The following PSD2 variants were observed in gnomAD, a reference collection of about 807,000 sequenced individuals.
The protein encoded by PSD2 is PH and SEC7 domain-containing protein 2.
PSD2 carries 38 observed loss-of-function variants against 69.8 expected under a neutral mutation model. The ratio of observed to expected loss-of-function variants is 0.54; its 90% CI spans 0.42 to 0.71. PSD2 has a LOEUF of 0.71. Among genes scored for constraint, PSD2 ranks in the 30% least tolerant of loss-of-function variants. PSD2 has a pLI of 0.00. For synonymous variants in PSD2, 412 were observed against 423.0 expected (o/e 0.97, Z 0.32); for missense variants, 943 against 1,014.5 (o/e 0.93, Z 0.96).
intron 3 of PSD2, 63 bp downstream of exon 3, chr5:139,813,821 G>T: frequency 1.4e-6 from 2 of 1,425,906 alleles, no homozygotes; most frequent in Middle Eastern, 2.3e-4. Flanking sequence ...CCCAGAGGGG[G>T]CAAAGCAGGT....
intron 6 of PSD2, 35 bp downstream of exon 6, chr5:139,822,040 C>T (rs371615230): frequency 4.3e-6 from 6 of 1,403,790 alleles, no homozygotes; most frequent in Admixed American, 3.5e-5. Context: ...TGACCCTCCC[C>T]ACCCACTCAG....
At chr5:139,803,316 C>T (rs57873997) in intron 1 of PSD2, among the ~76,000 whole-genome samples, 35,602 of 152,208 alleles carry the variant, frequency 0.23, 4,311 homozygotes, top group South Asian at 0.32. Flanking sequence ...CTGCCAAGGA[C>T]GCATATCCAA....
chr5:139,770,457 T>C, the PSD2 span, among the ~76,000 whole-genome samples: 5 of 152,078 alleles, frequency 3.3e-5, no homozygotes, highest in African/African-American at 9.7e-5. Flanking sequence ...CTCAGGAGGC[T>C]GAGGCAGGAG....
chr5:139,824,394 G>GTTTTTTT (rs3055525), intron 7 of PSD2, among the ~76,000 whole-genome samples: 2 of 119,410 alleles, frequency 1.7e-5, no homozygotes, highest in Non-Finnish European at 3.4e-5. Context: ...TCTCTCTCTT[G>GTTTTTTT]TTTTTTTTTT....
At chr5:139,752,107 A>G in the PSD2 span, among the ~76,000 whole-genome samples, 1 of 151,742 alleles carries the variant, frequency 6.6e-6, no homozygotes, top group Non-Finnish European at 1.5e-5. Flanking sequence ...CAGCCTCTTG[A>G]CTCAGTGGTG....
Position 139,837,252 on chromosome 5 carries a change from C to A in PSD2, c.1665+14C>A, listed in dbSNP as rs1473333080. 6.2e-7 allele frequency: 1 copy of A among 1,613,012 alleles called. No homozygotes were observed. The highest frequency in any genetic ancestry group is 8.5e-7 in the Non-Finnish European group (1 of 1,179,066). ...TACCTGCAGAAGGTGAGAGACTGCC[C>A]CAGAGACCTTACTCAGAAAGGGCCA... On this transcript the variant is annotated intron_variant, in intron 11 of 14. Transcript: ENST00000274710. The surrounding 1 kb of genome is among the most constrained non-coding windows in gnomAD (Gnocchi z 5.0).
Position 139,835,214 on chromosome 5 carries a change from C to T in PSD2, c.1360-509C>T, listed in dbSNP as rs148396833. On this transcript the variant is annotated intron_variant, in intron 8 of 14. Coordinates refer to ENST00000274710, the MANE Select transcript of PSD2 (RefSeq NM_032289.4). ...CAACACCCTGCCATTCATTTGCCCA[C>T]CCATATCCTCATGCATACACCCCTA... Among the ~76,000 whole-genome samples the T allele has an allele frequency of 1.5e-3, 233 of 151,930 alleles. 1 individual carries two copies. The highest frequency in any genetic ancestry group is 5.2e-3 in the African/African-American group (215 of 41,428).
chr5:139,841,310 C>G (rs1019470870), intron 14 of PSD2, among the ~76,000 whole-genome samples: 2 of 152,064 alleles, frequency 1.3e-5, no homozygotes, highest in East Asian at 3.9e-4. Context: ...ATAAATAACT[C>G]CCATGAACTT....
At chr5:139,794,198 A>C (rs1759468549), upstream of PSD2, among the ~76,000 whole-genome samples, 1 of 152,140 alleles carries the variant, frequency 6.6e-6, no homozygotes, top group Admixed American at 6.5e-5. Flanking sequence ...CTCTTAATTG[A>C]CCAGCTGTGC....
At position 139,839,959 on chromosome 5, in the gene PSD2, A is replaced by T; in HGVS notation, c.1969-68A>T. 6.4e-7 allele frequency: 1 copy of T among 1,565,308 alleles called. No individual in the cohort carries two copies. The highest frequency in any genetic ancestry group is 8.8e-7 in the Non-Finnish European group (1 of 1,141,654). On this transcript the variant is annotated intron_variant, in intron 13 of 14. Transcript: ENST00000274710. The surrounding 1 kb of genome is among the most constrained non-coding windows in gnomAD (Gnocchi z 5.1). ...CCTTTGGTGGAGCAGCTCCTGGTAGAACAGGATTTGAGCCACTCCGTGACA... is the reference window on the plus strand; with the variant it reads ...CCTTTGGTGGAGCAGCTCCTGGTAGTACAGGATTTGAGCCACTCCGTGACA...
chr5:139,806,607 C>T (rs772781213), intron 1 of PSD2, among the ~76,000 whole-genome samples: 6 of 152,154 alleles, frequency 3.9e-5, no homozygotes, highest in African/African-American at 9.7e-5. Flanking sequence ...GCTTTCATGA[C>T]GTTTAGTTTC....
chr5:139,834,984 T>C (rs1028510227), intron 8 of PSD2, among the ~76,000 whole-genome samples: 1 of 150,856 alleles, frequency 6.6e-6, no homozygotes, highest in Non-Finnish European at 1.5e-5. Flanking sequence ...ACTCCTCGCA[T>C]AGCAACCACT....
rs1308131286 is a variant in PSD2, at chr5:139,844,432, G to A, written c.*1958G>A. The A allele has an allele frequency of 6.6e-6, 1 of 152,300 alleles. No homozygotes were observed. Among genetic ancestry groups the A allele is most frequent in the African/African-American group, 2.4e-5 (1 of 41,444 alleles). 9.4% of individuals were successfully genotyped at this position (152,300 alleles called of 1,614,324 possible). A position where few individuals can be genotyped will look rare whatever the true frequency, so the allele number is the denominator to read the frequency against. ...TACACAAAAATAGAAATTTAAAAAA[G>A]ATGAGATGAAAATAAATCTAAGTCA... On this transcript the variant is annotated 3_prime_UTR_variant, in exon 15 of 15. Transcript: ENST00000274710.
At chr5:139,773,573 G>T in the PSD2 span, among the ~76,000 whole-genome samples, 1 of 152,076 alleles carries the variant, frequency 6.6e-6, no homozygotes, top group African/African-American at 2.4e-5. Context: ...TCATATAAAT[G>T]GAATCATACC....
chr5:139,796,468 C>T (rs543149039), intron 1 of PSD2, among the ~76,000 whole-genome samples: 31 of 152,364 alleles, frequency 2.0e-4, no homozygotes, highest in African/African-American at 5.5e-4. Context: ...TTTCCAGTTT[C>T]CCAACTTTGA....
chr5:139,802,076 G>C (rs574226985), intron 1 of PSD2, among the ~76,000 whole-genome samples: 21 of 152,092 alleles, frequency 1.4e-4, no homozygotes, highest in African/African-American at 4.6e-4. Flanking sequence ...CAGACCCTGA[G>C]CCGAAGTCCT....
At chr5:139,764,996 C>T in the PSD2 span, among the ~76,000 whole-genome samples, 1 of 152,108 alleles carries the variant, frequency 6.6e-6, no homozygotes, top group East Asian at 1.9e-4. Flanking sequence ...ACCCCAGTGA[C>T]TTCCATGACC....
At chr5:139,748,857 TAAAG>T in the PSD2 span, among the ~76,000 whole-genome samples, 21 of 147,338 alleles carry the variant, frequency 1.4e-4, no homozygotes, top group African/African-American at 5.1e-4. Context: ...AGAGAATAAA[TAAAG>T]AGAGAAGGGA....
chr5:139,756,852 T>C, the PSD2 span, among the ~76,000 whole-genome samples: 1 of 152,162 alleles, frequency 6.6e-6, no homozygotes, highest in African/African-American at 2.4e-5. Flanking sequence ...CTTCCCGCAC[T>C]CTTCCACAAG....
Sources: gnomAD v4.1 joint callset for allele counts (sites outside exome capture counted in the v4.1 genomes callset) on GRCh38, gnomAD v4.1.1 for gene constraint, Gnocchi (gnomAD v3.1) non-coding constraint, MANE v1.5 for transcripts, NCBI Gene and HGNC (gene_info 2026-07-23, HGNC 2026-07-21) for gene names.